LNX1: variants seen among roughly 807,000 people sequenced by gnomAD.
LNX1 encodes the protein E3 ubiquitin-protein ligase LNX.
A neutral mutation model predicts 68.4 loss-of-function variants in LNX1; 54 were observed. The observed-to-expected ratio is 0.79, with a 90% confidence interval of 0.63 to 0.99. The LOEUF is 0.99. Ranked by LOEUF, LNX1 falls within the 50% of genes least tolerant of loss-of-function variation. The pLI is 0.00. For synonymous variants in LNX1, 336 were observed against 350.0 expected, an observed-to-expected ratio of 0.96 and a Z score of 0.45; for missense variants, 906 against 926.4, an observed-to-expected ratio of 0.98 and a Z score of 0.29.
intron 2 of LNX1, among the ~76,000 whole-genome samples, chr4:53,534,960 A>T (rs1426065878): frequency 1.3e-5 from 2 of 152,246 alleles, no homozygotes; most frequent in African/African-American, 4.8e-5. Flanking sequence ...ATGATTGCTC[A>T]TGGGTACAAA....
At chr4:53,493,000 T>C (rs975744033) in intron 6 of LNX1, among the ~76,000 whole-genome samples, 3 of 152,086 alleles carry the variant, frequency 2.0e-5, no homozygotes, top group African/African-American at 7.2e-5. Context: ...AGACAGAGTC[T>C]TGCTCTGTCT....
chr4:53,481,934 C>T (rs1297407717), intron 6 of LNX1, 80 bp from the exon 7 acceptor site: 10 of 1,429,432 alleles, frequency 7.0e-6, no homozygotes, highest in Middle Eastern at 1.9e-4. Flanking sequence ...AAAAACATCA[C>T]TTTGATTATA....
At chr4:53,550,114 G>A (rs1397072197) in intron 2 of LNX1, among the ~76,000 whole-genome samples, 1 of 152,196 alleles carries the variant, frequency 6.6e-6, no homozygotes, top group Non-Finnish European at 1.5e-5. Flanking sequence ...AATGCTCTTT[G>A]GACATCAAAG....
At chr4:53,603,503 A>T (rs2109838154) in intron 2 of LNX1, 1 of 152,296 alleles carries the variant, frequency 6.6e-6, no homozygotes, top group Admixed American at 6.5e-5. Context: ...TGCTTAATTA[A>T]TAAAAGAGGT....
chr4:53,651,029 T>C (rs763930380), intron 1 of LNX1, among the ~76,000 whole-genome samples: 5 of 152,156 alleles, frequency 3.3e-5, no homozygotes, highest in Non-Finnish European at 7.3e-5. Flanking sequence ...TTTTACATAT[T>C]GGCAAGGTGA....
intron 2 of LNX1, among the ~76,000 whole-genome samples, chr4:53,567,340 C>T (rs879803533): frequency 7.0e-4 from 104 of 148,452 alleles, no homozygotes; most frequent in Admixed American, 1.3e-3. Flanking sequence ...GATTAAGAAT[C>T]TCACTCAAAA....
intron 2 of LNX1, among the ~76,000 whole-genome samples, chr4:53,599,721 A>C (rs1474761172): frequency 6.6e-6 from 1 of 152,158 alleles, no homozygotes; most frequent in Non-Finnish European, 1.5e-5. Flanking sequence ...TTATCCATGA[A>C]GGGCCAGGCA....
intron 6 of LNX1, among the ~76,000 whole-genome samples, chr4:53,486,961 C>A (rs1347587897): frequency 6.6e-6 from 1 of 151,968 alleles, no homozygotes; most frequent in Non-Finnish European, 1.5e-5. Context: ...AATAACAAAG[C>A]CTATCTCTTA....
intron 2 of LNX1, among the ~76,000 whole-genome samples, chr4:53,562,883 A>T (rs1730383651): frequency 6.6e-6 from 1 of 152,194 alleles, no homozygotes; most frequent in Non-Finnish European, 1.5e-5. Context: ...ATTGTACACC[A>T]TACACATATA....
intron 1 of LNX1, among the ~76,000 whole-genome samples, chr4:53,638,277 G>A (rs1446390726): frequency 6.6e-6 from 1 of 152,134 alleles, no homozygotes; most frequent in East Asian, 1.9e-4. Context: ...TAGACCTTTC[G>A]ATACTTTAAT....
At chr4:53,552,703 C>T (rs1377563420) in intron 2 of LNX1, among the ~76,000 whole-genome samples, 1 of 151,790 alleles carries the variant, frequency 6.6e-6, no homozygotes, top group Admixed American at 6.6e-5. Flanking sequence ...GTGGCAGGTG[C>T]CTGTAGTCCC....
At position 53,623,989 on chromosome 4, in the gene LNX1, AG is replaced by A. The variant is rs528522709; in HGVS notation, c.-215+28178del. ...GGGTAGTTATTCCTCAAAAGAATAT[AG>A]GTTTTTGTGATGCTGGGTTTTCATG... On this transcript the variant is annotated intron_variant, in intron 1 of 2. Coordinates refer to the LNX1 transcript ENST00000507168. 2.6e-3 allele frequency among the ~76,000 whole-genome samples: 402 copies of A among 152,288 alleles called. 3 individuals carry two copies. The highest frequency in any genetic ancestry group is 9.2e-3 in the African/African-American group (384 of 41,560).
intron 1 of LNX1, among the ~76,000 whole-genome samples, chr4:53,647,718 G>A (rs1299079843): frequency 6.6e-6 from 1 of 152,298 alleles, no homozygotes; most frequent in East Asian, 1.9e-4. Flanking sequence ...TCCATCTCTA[G>A]ATCTTGCAAA....
At chr4:53,479,360 C>T (rs1723771487) in intron 7 of LNX1, among the ~76,000 whole-genome samples, 2 of 152,344 alleles carry the variant, frequency 1.3e-5, no homozygotes, top group Admixed American at 6.5e-5. Context: ...TCTTCTTTCA[C>T]ACCTGCTCAG....
At chr4:53,544,067 T>A (rs1237869872) in intron 2 of LNX1, among the ~76,000 whole-genome samples, 3 of 152,218 alleles carry the variant, frequency 2.0e-5, no homozygotes, top group Non-Finnish European at 4.4e-5. Flanking sequence ...ACTGTCCTAT[T>A]TTTGAACCCT....
intron 6 of LNX1, among the ~76,000 whole-genome samples, chr4:53,491,932 C>T (rs760157580): frequency 2.6e-5 from 4 of 151,696 alleles, no homozygotes; most frequent in African/African-American, 7.3e-5. Context: ...GGATCACAGG[C>T]GTGCGCCCCC....
intron 2 of LNX1, among the ~76,000 whole-genome samples, chr4:53,541,513 C>T (rs1368316021): frequency 6.6e-6 from 1 of 152,076 alleles, no homozygotes; most frequent in Non-Finnish European, 1.5e-5. Flanking sequence ...GTTCATGATT[C>T]TTTTAGTGTA....
intron 1 of LNX1, among the ~76,000 whole-genome samples, chr4:53,652,016 TGTGTGAGA>T (rs1456966038): frequency 2.2e-4 from 25 of 116,106 alleles, no homozygotes; most frequent in East Asian, 1.6e-3. Flanking sequence ...TTGATGTGTG[TGTGTGAGA>T]GAGAGAGAGA....
intron 2 of LNX1, among the ~76,000 whole-genome samples, chr4:53,534,941 C>T (rs1728265166): frequency 6.6e-6 from 1 of 152,144 alleles, no homozygotes; most frequent in Non-Finnish European, 1.5e-5. Context: ...ACAATTACAA[C>T]AGAAAGAAAT....
Sources: allele counts gnomAD v4.1 joint callset (sites outside exome capture counted in the v4.1 genomes callset), GRCh38; gene constraint gnomAD v4.1.1; transcripts MANE v1.5; gene names NCBI Gene and HGNC (gene_info 2026-07-23, HGNC 2026-07-21).